Variants in EFHC1 observed in about 807,000 individuals in gnomAD.
The protein encoded by EFHC1 is EF-hand domain containing 1, also known as EF-hand domain-containing protein 1.
EFHC1 carries 53 observed loss-of-function variants against 69.9 expected under a neutral mutation model. That is an observed-to-expected ratio of 0.76 (90% CI 0.61 to 0.95). The LOEUF is 0.95. EFHC1 is among the 40% of genes least tolerant of loss of function. The pLI, the probability that EFHC1 is intolerant of heterozygous loss-of-function variation, is 0.00. For missense variants in EFHC1, 739 were observed against 798.7 expected (o/e 0.93, Z 0.90); for synonymous variants, 256 against 278.4 (o/e 0.92, Z 0.80).
chr6:52,421,556 T>C (rs9370119), intron 1 of EFHC1, among the ~76,000 whole-genome samples: 151,952 of 152,340 alleles, frequency 1, 75,785 homozygotes, highest in Middle Eastern at 1. Flanking sequence ...CTGATCATCA[T>C]AGATGAGCTA....
intron 9 of EFHC1, 194 bp downstream of exon 9, chr6:52,479,981 C>A: frequency 1.2e-6 from 1 of 860,784 alleles, no homozygotes; most frequent in Non-Finnish European, 1.8e-6. Flanking sequence ...ATTTGTTTAG[C>A]AAATACAGTT....
At chr6:52,485,111 A>G (rs914870454) in intron 9 of EFHC1, 2 of 152,138 alleles carry the variant, frequency 1.3e-5, no homozygotes, top group African/African-American at 2.4e-5. Context: ...CAAATATGAT[A>G]GCTCTCCAGG....
At chr6:52,430,183 T>G (rs1420317176) in intron 2 of EFHC1, 1 of 152,200 alleles carries the variant, frequency 6.6e-6, no homozygotes, top group Admixed American at 6.5e-5. Context: ...CTTTACCTAT[T>G]TGGATGACCT....
At position 52,495,018 on chromosome 6, in the gene EFHC1, A is replaced by G. The variant is rs1766014720; in HGVS notation, c.*2677A>G. 2 of 453,760 alleles carry G rather than the reference A, an allele frequency of 4.4e-6. No individual in the cohort carries two copies. Among genetic ancestry groups the G allele is most frequent in the South Asian group, 1.6e-5 (1 of 64,456 alleles). The allele number at this position is 453,760 out of a possible 1,614,324, so 28.1% of individuals were successfully genotyped here. A position where few individuals can be genotyped will look rare whatever the true frequency, so the allele number is the denominator to read the frequency against. On this transcript the variant is annotated 3_prime_UTR_variant, in exon 11 of 11. Coordinates refer to ENST00000371068, the MANE Select transcript of EFHC1 (RefSeq NM_018100.4). ...TGGTGAGTTCTTAGAACTCTTTCCA[A>G]CCGGAAACTGCCCAGTGCACCACTC...
chr6:52,494,917 A>C lies in EFHC1; in HGVS notation c.*2576A>C. The C allele has an allele frequency of 6.7e-6, 3 of 450,628 alleles. No homozygotes were observed. Among genetic ancestry groups the C allele is most frequent in the Non-Finnish European group, 1.3e-5 (3 of 224,624 alleles). 27.9% of individuals were successfully genotyped at this position (450,628 alleles called of 1,614,324 possible). A position where few individuals can be genotyped will look rare whatever the true frequency, so the allele number is the denominator to read the frequency against. ...GCGTAGTATTCCATGGTGTAGATAT[A>C]CTTCATTTAAAAAATCTAATCCACC... On this transcript the variant is annotated 3_prime_UTR_variant, in exon 11 of 11. Coordinates refer to ENST00000371068, the MANE Select transcript of EFHC1 (RefSeq NM_018100.4).
chr6:52,421,243 T>TA (rs1764185168), intron 1 of EFHC1, among the ~76,000 whole-genome samples: 1 of 152,246 alleles, frequency 6.6e-6, no homozygotes, highest in Non-Finnish European at 1.5e-5. Flanking sequence ...TTGTAAGAGA[T>TA]ATTCCTTTCC....
intron 7 of EFHC1, among the ~76,000 whole-genome samples, chr6:52,478,677 T>C (rs1765597499): frequency 1.3e-5 from 2 of 152,200 alleles, no homozygotes; most frequent in African/African-American, 2.4e-5. Flanking sequence ...TAGTATACTG[T>C]GTTTGTTTGG....
In EFHC1 at chr6:52,475,144, T is replaced by C. The variant is rs139192982; in HGVS notation, c.1279-3893T>C. Among the ~76,000 whole-genome samples, 292 of 152,240 alleles carry C rather than the reference T, an allele frequency of 1.9e-3. 3 individuals carry two copies. The highest frequency in any genetic ancestry group is 6.9e-3 in the African/African-American group (285 of 41,536). On this transcript the variant is annotated intron_variant, in intron 7 of 10. Coordinates refer to ENST00000371068, the MANE Select transcript of EFHC1 (RefSeq NM_018100.4). ...GAAAAAAGAGGTGATATTCTGGTCA[T>C]GGTAATTTTCAGATGTTTTCCCCTG...
intron 3 of EFHC1, among the ~76,000 whole-genome samples, chr6:52,442,372 G>A (rs577943522): frequency 6.6e-6 from 1 of 152,046 alleles, no homozygotes; most frequent in South Asian, 2.1e-4. Context: ...ATGTATACAT[G>A]TGCCATGTTG....
intron 7 of EFHC1, among the ~76,000 whole-genome samples, chr6:52,470,450 G>C (rs554557647): frequency 6.6e-6 from 1 of 152,314 alleles, no homozygotes; most frequent in African/African-American, 2.4e-5. Flanking sequence ...CAGGAATCAT[G>C]TCCTTCTAGA....
At chr6:52,478,425 TAA>T (rs527754851) in intron 7 of EFHC1, among the ~76,000 whole-genome samples, 1 of 151,238 alleles carries the variant, frequency 6.6e-6, no homozygotes, top group Non-Finnish European at 1.5e-5. Flanking sequence ...TAAACTATAA[TAA>T]AAAAAAAGAA....
chr6:52,443,669 C>G (rs888546287), intron 3 of EFHC1, among the ~76,000 whole-genome samples: 1 of 152,186 alleles, frequency 6.6e-6, no homozygotes, highest in African/African-American at 2.4e-5. Context: ...GTACCAGTAC[C>G]ATGTTGTTTT....
At chr6:52,444,641 A>C (rs12664275) in intron 3 of EFHC1, among the ~76,000 whole-genome samples, 1 of 151,954 alleles carries the variant, frequency 6.6e-6, no homozygotes, top group South Asian at 2.1e-4. Context: ...GAGGAAGCCA[A>C]CTTGATCGTG....
chr6:52,492,426 C>A lies in EFHC1; in HGVS notation c.*85C>A. The A allele has an allele frequency of 7.4e-7, 1 of 1,348,080 alleles. No individual in the cohort carries two copies. Among genetic ancestry groups the A allele is most frequent in the Non-Finnish European group, 1.1e-6 (1 of 951,946 alleles). The allele number at this position is 1,348,080 out of a possible 1,614,324, so 83.5% of individuals were successfully genotyped here. On this transcript the variant is annotated 3_prime_UTR_variant, in exon 11 of 11. Transcript: ENST00000371068. Reference sequence around the variant, plus strand: ...CTTACACTCTTCATAGAGGCATTTACAGGGTTCCTGAAGTTTTATTTCTGT... The same window carrying A: ...CTTACACTCTTCATAGAGGCATTTAAAGGGTTCCTGAAGTTTTATTTCTGT...
At chr6:52,465,923 C>T (rs1457447964) in intron 6 of EFHC1, among the ~76,000 whole-genome samples, 1 of 148,948 alleles carries the variant, frequency 6.7e-6, no homozygotes, top group Non-Finnish European at 1.5e-5. Flanking sequence ...TGATAGGACA[C>T]ATCATAATAT....
At position 52,496,269 on chromosome 6, in the gene EFHC1, G is replaced by C. The variant is rs1242141051; in HGVS notation, c.*3928G>C. 2 of 153,526 alleles carry C rather than the reference G, an allele frequency of 1.3e-5. No individual in the cohort carries two copies. The highest frequency in any genetic ancestry group is 3.8e-4 in the East Asian group (2 of 5,218). 9.5% of individuals were successfully genotyped at this position (153,526 alleles called of 1,614,324 possible). On this transcript the variant is annotated 3_prime_UTR_variant, in exon 11 of 11. Coordinates refer to ENST00000371068, the MANE Select transcript of EFHC1 (RefSeq NM_018100.4). ...ATTAAGATTAGCACTGGTAGCTGAA[G>C]CTATCAGGTCTAACTGAAGCATTTG...
chr6:52,495,119 T>C lies in EFHC1; in HGVS notation c.*2778T>C. The C allele has an allele frequency of 2.2e-6, 1 of 454,030 alleles. No homozygotes were observed. Among genetic ancestry groups the C allele is most frequent in the Non-Finnish European group, 4.4e-6 (1 of 226,776 alleles). The allele number at this position is 454,030 out of a possible 1,614,324, so 28.1% of individuals were successfully genotyped here. ...TGGTCTCCAAGGCTCCTTCTGATCTTCCCAGGAGGCCCTTTCAGGCTGACA... is the reference window on the plus strand; with the variant it reads ...TGGTCTCCAAGGCTCCTTCTGATCTCCCCAGGAGGCCCTTTCAGGCTGACA... On this transcript the variant is annotated 3_prime_UTR_variant, in exon 11 of 11. Coordinates refer to ENST00000371068, the MANE Select transcript of EFHC1 (RefSeq NM_018100.4).
intron 7 of EFHC1, among the ~76,000 whole-genome samples, chr6:52,475,115 G>T (rs1765519630): frequency 6.6e-6 from 1 of 151,834 alleles, no homozygotes; most frequent in Non-Finnish European, 1.5e-5. Flanking sequence ...CTTTATGTGG[G>T]CAGGAAAAAA....
At chr6:52,463,702 G>A (rs910773413) in intron 5 of EFHC1, among the ~76,000 whole-genome samples, 2 of 152,176 alleles carry the variant, frequency 1.3e-5, no homozygotes, top group African/African-American at 4.8e-5. Flanking sequence ...CAGATGGCTG[G>A]ACAGCACACA....
Sources: allele counts gnomAD v4.1 joint callset (sites outside exome capture counted in the v4.1 genomes callset), GRCh38; gene constraint gnomAD v4.1.1; transcripts MANE v1.5; gene names NCBI Gene and HGNC (gene_info 2026-07-23, HGNC 2026-07-21).